The following DLGAP1 variants were observed in gnomAD, a reference collection of about 807,000 sequenced individuals.
DLGAP1 encodes the protein disks large-associated protein 1.
Under a neutral mutation model 90.8 loss-of-function variants are expected in DLGAP1, and 11 were observed. The ratio of observed to expected loss-of-function variants is 0.12; its 90% CI spans 0.08 to 0.20. DLGAP1 has a LOEUF of 0.20. DLGAP1 is among the 10% of genes least tolerant of loss of function. The pLI is 1.00. For synonymous variants in DLGAP1, 558 were observed against 540.7 expected, an observed-to-expected ratio of 1.03 and a Z score of -0.44; for missense variants, 1,050 against 1,333.8, an observed-to-expected ratio of 0.79 and a Z score of 3.31.
intron 2 of DLGAP1, among the ~76,000 whole-genome samples, chr18:4,068,997 A>G (rs567155791): frequency 3.3e-5 from 5 of 152,164 alleles, no homozygotes; most frequent in Middle Eastern, 3.4e-3. Context: ...ATTTTGCTAC[A>G]TGGCCTTCAT....
chr18:4,003,584 G>A (rs1196664499), intron 3 of DLGAP1, among the ~76,000 whole-genome samples: 1 of 152,034 alleles, frequency 6.6e-6, no homozygotes, highest in Non-Finnish European at 1.5e-5. Context: ...GGTATTGAAT[G>A]GGAAAGTTTG....
intron 7 of DLGAP1, among the ~76,000 whole-genome samples, chr18:3,667,444 C>T (rs920657308): frequency 6.6e-6 from 1 of 152,122 alleles, no homozygotes; most frequent in African/African-American, 2.4e-5. Flanking sequence ...ATAATAGTAG[C>T]ATATACCATC....
At chr18:4,168,152 T>C (rs369485300) in intron 1 of DLGAP1, among the ~76,000 whole-genome samples, 4 of 152,146 alleles carry the variant, frequency 2.6e-5, no homozygotes, top group East Asian at 3.9e-4. Flanking sequence ...CAATGAAGTA[T>C]AGAAATGGAG....
chr18:4,068,827 C>G (rs2075406235), intron 2 of DLGAP1, among the ~76,000 whole-genome samples: 1 of 152,094 alleles, frequency 6.6e-6, no homozygotes, highest in South Asian at 2.1e-4. Flanking sequence ...AGAAAACATC[C>G]AATCCGATGT....
At chr18:3,716,484 T>C (rs1410488343) in intron 7 of DLGAP1, among the ~76,000 whole-genome samples, 1 of 152,124 alleles carries the variant, frequency 6.6e-6, no homozygotes, top group African/African-American at 2.4e-5. Context: ...TGCAGTGAGC[T>C]GTGATTGCAT....
At chr18:3,666,911 T>C (rs2059904394) in intron 7 of DLGAP1, among the ~76,000 whole-genome samples, 1 of 151,940 alleles carries the variant, frequency 6.6e-6, no homozygotes, top group South Asian at 2.1e-4. Context: ...CGCCCACCAC[T>C]ACACCCTGCT....
chr18:3,761,709 G>A (rs1032299318), intron 5 of DLGAP1, among the ~76,000 whole-genome samples: 2 of 152,074 alleles, frequency 1.3e-5, no homozygotes, highest in African/African-American at 4.8e-5. Flanking sequence ...CTGAGTAGCT[G>A]GGAATATAGG....
chr18:4,295,451 G>A (rs1176933473), intron 1 of DLGAP1: 1 of 152,102 alleles, frequency 6.6e-6, no homozygotes. Flanking sequence ...ATTTCCACCA[G>A]GGCACAATGT....
At chr18:3,533,780 G>A (rs999231433) in intron 10 of DLGAP1, among the ~76,000 whole-genome samples, 16 of 152,058 alleles carry the variant, frequency 1.1e-4, no homozygotes, top group Non-Finnish European at 2.1e-4. Context: ...AAGAATTTTT[G>A]TGGGTATATA....
chr18:3,532,178 G>A (rs1257008143), intron 10 of DLGAP1, among the ~76,000 whole-genome samples: 1 of 152,066 alleles, frequency 6.6e-6, no homozygotes, highest in East Asian at 1.9e-4. Context: ...AAAATACTCT[G>A]ACAACAATAA....
chr18:4,313,256 T>C (rs1170442501), intron 1 of DLGAP1, among the ~76,000 whole-genome samples: 1 of 152,102 alleles, frequency 6.6e-6, no homozygotes, highest in Non-Finnish European at 1.5e-5. Flanking sequence ...GAAGGTGATA[T>C]GTGCTATGGA....
chr18:3,808,470 G>A (rs960522633), intron 5 of DLGAP1, among the ~76,000 whole-genome samples: 3 of 152,134 alleles, frequency 2.0e-5, no homozygotes, highest in African/African-American at 7.2e-5. Context: ...CGTGTGGCAG[G>A]TTGTATTTTC....
chr18:4,041,575 G>A (rs1161352268), intron 2 of DLGAP1, among the ~76,000 whole-genome samples: 1 of 152,096 alleles, frequency 6.6e-6, no homozygotes, highest in Non-Finnish European at 1.5e-5. Context: ...GTTCATATTA[G>A]CATAATTATT....
intron 5 of DLGAP1, among the ~76,000 whole-genome samples, chr18:3,800,122 A>C (rs754037500): frequency 6.6e-6 from 1 of 152,188 alleles, no homozygotes; most frequent in Non-Finnish European, 1.5e-5. Context: ...AGCAGGTTTT[A>C]TGATTATACT....
chr18:3,674,296 A>AATAT (rs1555623973), intron 7 of DLGAP1, among the ~76,000 whole-genome samples: 15 of 128,994 alleles, frequency 1.2e-4, no homozygotes, highest in African/African-American at 4.5e-4. Flanking sequence ...ATAATATTAA[A>AATAT]ATATATATAT....
At chr18:4,327,815 C>T (rs1257856213) in intron 1 of DLGAP1, among the ~76,000 whole-genome samples, 1 of 151,954 alleles carries the variant, frequency 6.6e-6, no homozygotes, top group Non-Finnish European at 1.5e-5. Flanking sequence ...TAGAATTTCA[C>T]ATCAATAGAA....
intron 1 of DLGAP1, among the ~76,000 whole-genome samples, chr18:4,276,555 T>C (rs958530278): frequency 1.3e-5 from 2 of 151,656 alleles, no homozygotes; most frequent in African/African-American, 4.8e-5. Context: ...AGACTCACTT[T>C]AACCCAGGAG....
intron 1 of DLGAP1, among the ~76,000 whole-genome samples, chr18:4,233,351 T>C (rs936596114): frequency 6.6e-6 from 1 of 152,202 alleles, no homozygotes; most frequent in Non-Finnish European, 1.5e-5. Context: ...TTAAAAATTG[T>C]ACATTTTAAA....
intron 1 of DLGAP1, among the ~76,000 whole-genome samples, chr18:4,255,416 C>G (rs987731986): frequency 1.3e-5 from 2 of 151,818 alleles, no homozygotes; most frequent in Admixed American, 1.3e-4. Flanking sequence ...CTGACTCTCT[C>G]TCTATGTTAC....
Sources: gnomAD v4.1 joint callset for allele counts (sites outside exome capture counted in the v4.1 genomes callset) on GRCh38, gnomAD v4.1.1 for gene constraint, MANE v1.5 for transcripts, NCBI Gene and HGNC (gene_info 2026-07-23, HGNC 2026-07-21) for gene names.